Variants in SPTBN1 observed in about 807,000 individuals in gnomAD.
The protein encoded by SPTBN1 is spectrin beta, non-erythrocytic 1, also known as spectrin beta chain, non-erythrocytic 1.
A neutral mutation model predicts 266.4 loss-of-function variants in SPTBN1; 32 were observed. The ratio of observed to expected loss-of-function variants is 0.12; its 90% CI spans 0.09 to 0.16. The LOEUF is 0.16. Ranked by LOEUF, SPTBN1 falls within the 10% of genes least tolerant of loss-of-function variation. The pLI is 1.00. For missense variants in SPTBN1, 2,296 were observed against 3,067.1 expected, an observed-to-expected ratio of 0.75 and a Z score of 5.94; for synonymous variants, 1,336 against 1,162.2, an observed-to-expected ratio of 1.15 and a Z score of -3.04.
chr2:54,596,926 T>G (rs1023002546), intron 2 of SPTBN1, among the ~76,000 whole-genome samples: 8 of 152,218 alleles, frequency 5.3e-5, no homozygotes, highest in African/African-American at 1.2e-4. Flanking sequence ...CCTCAGAGTT[T>G]CCTTGTGAAA....
intron 18 of SPTBN1, among the ~76,000 whole-genome samples, chr2:54,641,720 G>A (rs1031578815): frequency 6.6e-6 from 1 of 151,056 alleles, no homozygotes; most frequent in African/African-American, 2.4e-5. Flanking sequence ...TGAGAATAGG[G>A]ACAGTGCCCA....
At chr2:54,655,304 A>G in intron 28 of SPTBN1, 96 bp downstream of exon 28, 2 of 1,450,454 alleles carry the variant, frequency 1.4e-6, no homozygotes. Flanking sequence ...CTGTGTTTAC[A>G]TTCTTATACA....
At position 54,649,259 on chromosome 2, in the gene SPTBN1, C is replaced by T. The variant is rs1572752235; in HGVS notation, c.5202+69C>T. On this transcript the variant is annotated intron_variant, in intron 25 of 35. Transcript: ENST00000356805. This position sits in a 1 kb window ranked among gnomAD's most constrained non-coding sequence, Gnocchi z 6.7. ...ATGGTGTGGAAGGCCATTTGCATTC[C>T]TTGTCTGTGAGCAGATAAAATGCCC... 3.4e-6 allele frequency: 5 copies of T among 1,485,502 alleles called. No individual in the cohort carries two copies. The highest frequency in any genetic ancestry group is 1.3e-5 in the South Asian group (1 of 76,262). The allele number at this position is 1,485,502 out of a possible 1,614,324, so 92.0% of individuals were successfully genotyped here. A position where few individuals can be genotyped will look rare whatever the true frequency, so the allele number is the denominator to read the frequency against.
chr2:54,650,292 T>A lies in SPTBN1; in HGVS notation c.5577+303T>A, dbSNP rs1046177747. Among the ~76,000 whole-genome samples the A allele has an allele frequency of 2.0e-5, 3 of 152,232 alleles. No individual in the cohort carries two copies. In the South Asian group the frequency reaches 6.2e-4, roughly 31 times the overall value. On this transcript the variant is annotated intron_variant, in intron 26 of 35. Transcript: ENST00000356805. ...CAAGTGTTTTTATTATGTTAGCATA[T>A]CCATCCAGAACAATTTCCAAAATAA...
At chr2:54,510,701 CT>C (rs1480127317) in intron 1 of SPTBN1, among the ~76,000 whole-genome samples, 1 of 152,200 alleles carries the variant, frequency 6.6e-6, no homozygotes, top group African/African-American at 2.4e-5. Flanking sequence ...AAGTTATGGA[CT>C]TGATTTTGGT....
At chr2:54,467,069 C>G (rs1201651103) in intron 1 of SPTBN1, among the ~76,000 whole-genome samples, 1 of 152,078 alleles carries the variant, frequency 6.6e-6, no homozygotes, top group African/African-American at 2.4e-5. Flanking sequence ...CTGCCTTTGG[C>G]TCTCGGTGAA....
chr2:54,540,063 G>A lies in SPTBN1; in HGVS notation c.148+13497G>A, dbSNP rs1671845488. 6.6e-6 allele frequency among the ~76,000 whole-genome samples: 1 copy of A among 152,160 alleles called. No individual in the cohort carries two copies. Among genetic ancestry groups the A allele is most frequent in the Non-Finnish European group, 1.5e-5 (1 of 68,024 alleles). ...TACCATGTGAGAATCTGAGAGGATGGCTGTCTGTAAACCAGGAAGAGGTCC... is the reference window on the plus strand; with the variant it reads ...TACCATGTGAGAATCTGAGAGGATGACTGTCTGTAAACCAGGAAGAGGTCC... On this transcript the variant is annotated intron_variant, in intron 2 of 35. Transcript: ENST00000356805. This position sits in a 1 kb window ranked among gnomAD's most constrained non-coding sequence, Gnocchi z 5.6.
chr2:54,670,210 GAAA>G lies in SPTBN1; in HGVS notation c.*1651_*1653del, dbSNP rs79924562. ...TTTATACAGATCAGACCAAAAAGAA[GAAA>G]AAAAAAAAACAGGCAAGAGGTTAGG... On this transcript the variant is annotated 3_prime_UTR_variant, in exon 36 of 36. Transcript: ENST00000356805. 2 of 141,170 alleles carry G rather than the reference GAAA, an allele frequency of 1.4e-5. No individual in the cohort carries two copies. The highest frequency in any genetic ancestry group is 5.2e-5 in the African/African-American group (2 of 38,484). The allele number at this position is 141,170 out of a possible 1,614,324, so 8.7% of individuals were successfully genotyped here.
In SPTBN1 at chr2:54,649,080, C is replaced by G. The variant is rs771433368; in HGVS notation, c.5092C>G (p.His1698Asp). The G allele has an allele frequency of 1.9e-6, 3 of 1,614,200 alleles. No individual in the cohort carries two copies. The highest frequency in any genetic ancestry group is 2.5e-6 in the Non-Finnish European group (3 of 1,180,036). The part of the protein sequence containing the change: ...EERRGKLDER[H>D]RLFQLNREVD... Reference sequence around the variant, plus strand: ...GAGAAGAGGCAAGCTGGATGAGAGACACAGGTTATTCCAGCTCAACCGGGA... The same window carrying G: ...GAGAAGAGGCAAGCTGGATGAGAGAGACAGGTTATTCCAGCTCAACCGGGA... The change falls in exon 25 of 36, where the codon CAC becomes GAC. Residue 1698 changes from histidine (H) to aspartate (D), a missense_variant. Coordinates refer to ENST00000356805, the MANE Select transcript of SPTBN1 (RefSeq NM_003128.3). The surrounding 1 kb of genome is among the most constrained non-coding windows in gnomAD (Gnocchi z 6.7).
At chr2:54,468,079 C>A (rs567433396) in intron 1 of SPTBN1, among the ~76,000 whole-genome samples, 1 of 152,100 alleles carries the variant, frequency 6.6e-6, no homozygotes, top group South Asian at 2.1e-4. Context: ...GAGGCCGAGG[C>A]GGGCAGATCA....
chr2:54,586,316 A>G (rs575324811), intron 2 of SPTBN1, among the ~76,000 whole-genome samples: 1 of 152,224 alleles, frequency 6.6e-6, no homozygotes, highest in Non-Finnish European at 1.5e-5. Context: ...TCACTGGCCA[A>G]AAAGGGTTTA....
At position 54,622,298 on chromosome 2, in the gene SPTBN1, A is replaced by G; in HGVS notation, c.877-2A>G. The stretch of plus-strand genomic sequence containing the variant: ...TTCAATTTTTCTATCCCTTGTTGCC[A>G]GGTGCTTGACAATGCTATTGAAACA... On this transcript the variant is annotated splice_acceptor_variant, in intron 8 of 35. Coordinates refer to ENST00000356805, the MANE Select transcript of SPTBN1 (RefSeq NM_003128.3). LOFTEE classifies it high-confidence loss of function. 1 of 1,613,592 alleles carries G rather than the reference A, an allele frequency of 6.2e-7. No individual in the cohort carries two copies. The highest frequency in any genetic ancestry group is 8.5e-7 in the Non-Finnish European group (1 of 1,179,616).
chr2:54,615,811 A>G (rs539247987), intron 4 of SPTBN1, among the ~76,000 whole-genome samples: 61 of 152,226 alleles, frequency 4.0e-4, no homozygotes, highest in Non-Finnish European at 7.6e-4. Flanking sequence ...TGCCCTCATC[A>G]ATGAAGGTTG....
At chr2:54,572,756 T>C (rs535594194) in intron 2 of SPTBN1, among the ~76,000 whole-genome samples, 4 of 152,344 alleles carry the variant, frequency 2.6e-5, no homozygotes, top group South Asian at 4.1e-4. Context: ...TTAAAAGTCA[T>C]ACTCGTTCAG....
At chr2:54,485,907 C>G (rs1312908841) in intron 1 of SPTBN1, among the ~76,000 whole-genome samples, 4 of 150,774 alleles carry the variant, frequency 2.7e-5, no homozygotes, top group Non-Finnish European at 1.5e-5. Flanking sequence ...TGAGGAGCGT[C>G]TCTGCCCGGC....
chr2:54,599,665 A>G (rs1400214764), intron 3 of SPTBN1, among the ~76,000 whole-genome samples: 1 of 152,196 alleles, frequency 6.6e-6, no homozygotes, highest in Non-Finnish European at 1.5e-5. Flanking sequence ...GGTGGCAAGC[A>G]TTGAATTCAG....
intron 1 of SPTBN1, among the ~76,000 whole-genome samples, chr2:54,473,982 G>T (rs925418160): frequency 2.0e-5 from 3 of 152,214 alleles, no homozygotes; most frequent in Admixed American, 6.5e-5. Flanking sequence ...GACAGACCCA[G>T]GGTTTTAACT....
At chr2:54,587,402 A>G (rs1228080681) in intron 2 of SPTBN1, among the ~76,000 whole-genome samples, 1 of 152,228 alleles carries the variant, frequency 6.6e-6, no homozygotes, top group Non-Finnish European at 1.5e-5. Context: ...GGTGCGCTTT[A>G]AAACATTCTT....
intron 3 of SPTBN1, among the ~76,000 whole-genome samples, chr2:54,608,859 A>G (rs1677030420): frequency 6.6e-6 from 1 of 152,186 alleles, no homozygotes; most frequent in Non-Finnish European, 1.5e-5. Flanking sequence ...GTCAATTAAC[A>G]TATTTTGCAT....
Sources: allele counts gnomAD v4.1 joint callset (sites outside exome capture counted in the v4.1 genomes callset), GRCh38; gene constraint gnomAD v4.1.1; non-coding constraint Gnocchi (gnomAD v3.1); transcripts MANE v1.5; gene names NCBI Gene and HGNC (gene_info 2026-07-23, HGNC 2026-07-21).